ADAMTS18: variants seen among roughly 807,000 people sequenced by gnomAD.
ADAMTS18 encodes A disintegrin and metalloproteinase with thrombospondin motifs 18.
A neutral mutation model predicts 165.9 loss-of-function variants in ADAMTS18; 157 were observed. The observed-to-expected ratio is 0.95, with a 90% CI of 0.83 to 1.08. The LOEUF is 1.08. ADAMTS18 is among the 50% of genes least tolerant of loss of function. The probability of loss-of-function intolerance (pLI) is 0.00; values close to 1 mark genes in which losing one functional copy is unlikely to be tolerated. For missense variants in ADAMTS18, 2,040 were observed against 1,534.0 expected, an observed-to-expected ratio of 1.33 and a Z score of -5.51; for synonymous variants, 782 against 578.2, an observed-to-expected ratio of 1.35 and a Z score of -5.06.
chr16:77,335,429 T>C (rs1208400666), intron 12 of ADAMTS18, among the ~76,000 whole-genome samples: 1 of 151,694 alleles, frequency 6.6e-6, no homozygotes, highest in Non-Finnish European at 1.5e-5. Flanking sequence ...GTAGCACAAA[T>C]AGGGTGACTA....
At chr16:77,291,500 G>A (rs1190116702) in intron 20 of ADAMTS18, 22 bp from the exon 21 acceptor site, 2 of 1,611,118 alleles carry the variant, frequency 1.2e-6, no homozygotes, top group African/African-American at 1.3e-5. Context: ...GACAGGATGT[G>A]TAAAAGTGAA....
At chr16:77,385,732 G>C (rs893344367) in intron 3 of ADAMTS18, among the ~76,000 whole-genome samples, 1 of 152,176 alleles carries the variant, frequency 6.6e-6, no homozygotes, top group East Asian at 1.9e-4. Context: ...CTGGATGATT[G>C]ACAGGACTTC....
intron 3 of ADAMTS18, among the ~76,000 whole-genome samples, chr16:77,382,013 T>C (rs1044803894): frequency 3.9e-5 from 6 of 152,104 alleles, no homozygotes; most frequent in African/African-American, 1.4e-4. Flanking sequence ...TATTCTCTCT[T>C]TTGTGGGGTA....
intron 16 of ADAMTS18, among the ~76,000 whole-genome samples, chr16:77,310,654 C>T (rs564697696): frequency 6.6e-6 from 1 of 151,024 alleles, no homozygotes; most frequent in Non-Finnish European, 1.5e-5. Context: ...TTTTTGGAGA[C>T]AGGGTCTCTG....
intron 3 of ADAMTS18, among the ~76,000 whole-genome samples, chr16:77,386,151 G>C (rs181795038): frequency 6.6e-4 from 101 of 152,282 alleles, no homozygotes; most frequent in African/African-American, 2.3e-3. Context: ...TTCTGCGCAA[G>C]ACAGCAAGCT....
intron 16 of ADAMTS18, among the ~76,000 whole-genome samples, chr16:77,302,519 A>C (rs781107943): frequency 6.6e-6 from 1 of 152,184 alleles, no homozygotes; most frequent in Non-Finnish European, 1.5e-5. Flanking sequence ...ATACGCACAT[A>C]GTAGGGGCAA....
intron 10 of ADAMTS18, among the ~76,000 whole-genome samples, chr16:77,351,111 A>G (rs904909001): frequency 1.3e-5 from 2 of 152,170 alleles, no homozygotes; most frequent in African/African-American, 4.8e-5. Context: ...GAGCCTGGCA[A>G]TATTTATGAT....
intron 3 of ADAMTS18, among the ~76,000 whole-genome samples, chr16:77,395,320 G>A (rs1222689519): frequency 2.6e-5 from 4 of 152,162 alleles, no homozygotes; most frequent in Admixed American, 2.6e-4. Context: ...GAAAACCTCT[G>A]CAGCCTGTCA....
In ADAMTS18 at chr16:77,291,263, C is replaced by G. The variant is rs772216056; in HGVS notation, c.3402+3G>C. ...GACACCTCCTCAATCGGCCTGTACC[C>G]ACCTGCTGCCACGGCAATGAATACC... is the stretch of plus-strand genomic sequence containing the variant. On this transcript the variant is annotated splice_donor_region_variant and intron_variant, in intron 21 of 22. Coordinates refer to ENST00000282849, the MANE Select transcript of ADAMTS18 (RefSeq NM_199355.4). 3.1e-6 allele frequency: 5 copies of G among 1,613,894 alleles called. No individual in the cohort carries two copies. The South Asian group carries it at 4.4e-5, about 14-fold the overall frequency.
At chr16:77,378,577 T>C (rs756761964) in intron 3 of ADAMTS18, among the ~76,000 whole-genome samples, 10 of 151,840 alleles carry the variant, frequency 6.6e-5, no homozygotes, top group Admixed American at 1.3e-4. Context: ...TACCCAAGCA[T>C]GGCGGTGTGA....
intron 3 of ADAMTS18, among the ~76,000 whole-genome samples, chr16:77,385,345 G>A (rs1226233600): frequency 1.3e-5 from 2 of 152,160 alleles, no homozygotes; most frequent in African/African-American, 2.4e-5. Flanking sequence ...GATTCTCAAT[G>A]CATGTTTGCT....
chr16:77,408,219 A>G (rs1186766488), intron 3 of ADAMTS18, among the ~76,000 whole-genome samples: 1 of 152,182 alleles, frequency 6.6e-6, no homozygotes, highest in African/African-American at 2.4e-5. Context: ...ACTGGCAAAG[A>G]TGAGGAACAT....
chr16:77,285,512 T>TTAA (rs1235967073), intron 22 of ADAMTS18, among the ~76,000 whole-genome samples: 1 of 151,068 alleles, frequency 6.6e-6, no homozygotes, highest in Non-Finnish European at 1.5e-5. Context: ...ACTTTAAAAA[T>TTAA]ATTTAGAGTA....
intron 16 of ADAMTS18, among the ~76,000 whole-genome samples, chr16:77,316,583 AC>A (rs1201651567): frequency 6.6e-6 from 1 of 152,116 alleles, no homozygotes; most frequent in African/African-American, 2.4e-5. Flanking sequence ...CCCATCTCAC[AC>A]CTCAATACTT....
At chr16:77,349,111 G>A (rs1231875210) in intron 10 of ADAMTS18, among the ~76,000 whole-genome samples, 1 of 152,112 alleles carries the variant, frequency 6.6e-6, no homozygotes, top group Non-Finnish European at 1.5e-5. Context: ...TCCATGCTAG[G>A]AAGTTTCTAA....
intron 22 of ADAMTS18, among the ~76,000 whole-genome samples, chr16:77,285,889 G>C (rs982539485): frequency 2.0e-5 from 3 of 152,166 alleles, no homozygotes; most frequent in African/African-American, 7.2e-5. Context: ...CTTCCTGGCA[G>C]AGTTGACAAG....
chr16:77,341,496 GA>G lies in ADAMTS18; in HGVS notation c.1710+207del, dbSNP rs113826477. On this transcript the variant is annotated intron_variant, in intron 11 of 22. Transcript: ENST00000282849. ...CCATCTAAAACAGGAAGACAAAAAA[GA>G]AAAAAAAAATCTTCTTAAACAATTG... Among the ~76,000 whole-genome samples, 213 of 148,692 alleles carry G rather than the reference GA, an allele frequency of 1.4e-3. 4 individuals carry two copies. The highest frequency in any genetic ancestry group is 4.0e-3 in the African/African-American group (163 of 40,556).
intron 3 of ADAMTS18, among the ~76,000 whole-genome samples, chr16:77,418,091 G>A (rs2057553483): frequency 6.6e-6 from 1 of 152,068 alleles, no homozygotes. Flanking sequence ...TCATTTTCAG[G>A]AGTCTGGGTT....
chr16:77,380,558 C>A (rs181964972), intron 3 of ADAMTS18, among the ~76,000 whole-genome samples: 1 of 152,282 alleles, frequency 6.6e-6, no homozygotes, highest in Middle Eastern at 3.4e-3. Context: ...GTACTAATAG[C>A]AAAATGGTTG....
Sources: gnomAD v4.1 joint callset for allele counts (sites outside exome capture counted in the v4.1 genomes callset) on GRCh38, gnomAD v4.1.1 for gene constraint, MANE v1.5 for transcripts, NCBI Gene and HGNC (gene_info 2026-07-23, HGNC 2026-07-21) for gene names.